TENM2: variants seen among roughly 807,000 people sequenced by gnomAD.
The protein encoded by TENM2 is teneurin transmembrane protein 2.
TENM2 carries 52 observed loss-of-function variants against 245.2 expected under a neutral mutation model. The ratio of observed to expected loss-of-function variants is 0.21; its 90% CI spans 0.17 to 0.27. The LOEUF (loss-of-function observed/expected upper bound fraction) is 0.27. Ranked by LOEUF, TENM2 falls within the 10% of genes least tolerant of loss-of-function variation. The probability of loss-of-function intolerance (pLI) is 1.00; values close to 1 mark genes in which losing one functional copy is unlikely to be tolerated. For missense variants in TENM2, 3,046 were observed against 3,666.8 expected (o/e 0.83, Z 4.37); for synonymous variants, 1,363 against 1,438.9 (o/e 0.95, Z 1.19).
intron 2 of TENM2, among the ~76,000 whole-genome samples, chr5:167,734,488 T>C (rs1760662114): frequency 6.7e-6 from 1 of 148,378 alleles, no homozygotes; most frequent in Non-Finnish European, 1.5e-5. Flanking sequence ...ATATATGCAA[T>C]ATATTATATA....
intron 2 of TENM2, among the ~76,000 whole-genome samples, chr5:167,836,296 A>G (rs1280309358): frequency 6.6e-6 from 1 of 152,116 alleles, no homozygotes. Context: ...TGCCCTTCAT[A>G]ATTGTCTATT....
At chr5:167,437,955 A>G (rs567277342) in intron 2 of TENM2, among the ~76,000 whole-genome samples, 83 of 152,226 alleles carry the variant, frequency 5.5e-4, no homozygotes, top group Non-Finnish European at 9.6e-4. Flanking sequence ...CAACTAATAC[A>G]GATACATTGA....
rs146650902 is a variant in TENM2, at chr5:167,610,992, G to C, written c.502+235519G>C. ...AGACTAAGCCCTGGGAAAACCAAAG[G>C]AAATCTGTATCTCCTGCTGTTTTAA... On this transcript the variant is annotated intron_variant, in intron 2 of 28. Coordinates refer to ENST00000518659, the Ensembl canonical transcript of TENM2. Among the ~76,000 whole-genome samples, 130 of 152,210 alleles carry C rather than the reference G, an allele frequency of 8.5e-4. 2 individuals are homozygous for C. In the East Asian group the frequency reaches 9.7e-3, roughly 11 times the overall value.
At chr5:167,223,596 T>C in the TENM2 span, among the ~76,000 whole-genome samples, 4 of 152,140 alleles carry the variant, frequency 2.6e-5, no homozygotes, top group East Asian at 7.7e-4. Flanking sequence ...TATCCACTTA[T>C]GGATACTCAC....
At chr5:167,752,228 G>A (rs947451852) in intron 2 of TENM2, among the ~76,000 whole-genome samples, 2 of 150,680 alleles carry the variant, frequency 1.3e-5, no homozygotes, top group African/African-American at 4.9e-5. Context: ...CTGAGTAGCT[G>A]GGATTTCAGG....
chr5:168,100,562 G>C (rs1793727476), intron 9 of TENM2, among the ~76,000 whole-genome samples: 1 of 152,114 alleles, frequency 6.6e-6, no homozygotes, highest in Admixed American at 6.5e-5. Flanking sequence ...CCATAAAAAA[G>C]GATGAGTTCA....
At chr5:168,222,128 G>A (rs879153065) in intron 23 of TENM2, among the ~76,000 whole-genome samples, 3 of 152,202 alleles carry the variant, frequency 2.0e-5, no homozygotes, top group Admixed American at 1.3e-4. Flanking sequence ...ACTGTAGAGT[G>A]GATACAAGAG....
At chr5:167,564,635 G>A (rs1196054395) in intron 2 of TENM2, among the ~76,000 whole-genome samples, 2 of 152,196 alleles carry the variant, frequency 1.3e-5, no homozygotes, top group African/African-American at 4.8e-5. Flanking sequence ...ATTCTGGTGT[G>A]TCCAACAGGC....
chr5:167,514,876 T>C (rs1770212878), intron 2 of TENM2, among the ~76,000 whole-genome samples: 1 of 152,098 alleles, frequency 6.6e-6, no homozygotes, highest in Non-Finnish European at 1.5e-5. Context: ...CTTGGCATGG[T>C]GGCGGGTGCC....
intron 2 of TENM2, among the ~76,000 whole-genome samples, chr5:167,408,756 G>A (rs931985711): frequency 2.0e-5 from 3 of 150,898 alleles, no homozygotes; most frequent in Non-Finnish European, 4.4e-5. Context: ...TTTTAGACTT[G>A]CAGGCTTTCC....
the TENM2 span, among the ~76,000 whole-genome samples, chr5:167,087,377 A>G: frequency 6.6e-6 from 1 of 152,218 alleles, no homozygotes; most frequent in Non-Finnish European, 1.5e-5. Context: ...GGGTGGCCAT[A>G]AACTGTAGCT....
intron 2 of TENM2, chr5:167,653,402 C>T (rs530867075): frequency 1.3e-5 from 2 of 152,160 alleles, no homozygotes; most frequent in Non-Finnish European, 2.9e-5. Context: ...ATTACAGGCA[C>T]AAGTTACCAT....
the TENM2 span, among the ~76,000 whole-genome samples, chr5:167,175,447 G>A: frequency 4.5e-4 from 68 of 152,310 alleles, no homozygotes; most frequent in African/African-American, 1.5e-3. Flanking sequence ...CTCCAATATG[G>A]ATTACTTTTT....
chr5:168,050,483 C>CT (rs1562097380), intron 6 of TENM2, among the ~76,000 whole-genome samples: 2 of 151,824 alleles, frequency 1.3e-5, no homozygotes. Flanking sequence ...ACACCGCCTC[C>CT]TTTTTTTGGT....
intron 1 of TENM2, chr5:167,297,402 C>T (rs1267200153): frequency 6.6e-6 from 1 of 152,212 alleles, no homozygotes; most frequent in African/African-American, 2.4e-5. Context: ...ATTCTTCTGG[C>T]ACCCCTGCTT....
chr5:167,014,140 CTTTTTT>C, the TENM2 span, among the ~76,000 whole-genome samples: 5 of 128,672 alleles, frequency 3.9e-5, no homozygotes, highest in African/African-American at 5.7e-5. Flanking sequence ...AAAACCAATT[CTTTTTT>C]TTTTTTTCTA....
At chr5:167,920,644 C>T (rs2151634433) in intron 3 of TENM2, among the ~76,000 whole-genome samples, 1 of 152,254 alleles carries the variant, frequency 6.6e-6, no homozygotes, top group Non-Finnish European at 1.5e-5. Context: ...CACTTACATT[C>T]TCACACCCAG....
intron 2 of TENM2, among the ~76,000 whole-genome samples, chr5:167,695,759 G>T (rs1757721061): frequency 6.6e-6 from 1 of 151,676 alleles, no homozygotes; most frequent in South Asian, 2.1e-4. Context: ...AATTGGCTGG[G>T]TGCGGTGGCT....
chr5:167,330,771 A>G (rs371400844), intron 1 of TENM2, among the ~76,000 whole-genome samples: 8 of 152,324 alleles, frequency 5.3e-5, no homozygotes, highest in African/African-American at 1.9e-4. Context: ...TTTGAGGTCC[A>G]TAGCAATTTT....
Sources: gnomAD v4.1 joint callset for allele counts (sites outside exome capture counted in the v4.1 genomes callset) on GRCh38, gnomAD v4.1.1 for gene constraint, MANE v1.5 for transcripts, NCBI Gene and HGNC (gene_info 2026-07-23, HGNC 2026-07-21) for gene names.